The following CREB5 variants were observed in gnomAD, a reference collection of about 807,000 sequenced individuals.
The protein encoded by CREB5 is cAMP responsive element binding protein 5, also known as cyclic AMP-responsive element-binding protein 5.
In CREB5, 19 loss-of-function variants were observed where a neutral mutation model predicts 57.1. That is an observed-to-expected ratio of 0.33 (90% CI 0.23 to 0.49). The LOEUF (loss-of-function observed/expected upper bound fraction) is 0.49. CREB5 is among the 20% of genes least tolerant of loss of function. CREB5 has a pLI of 0.99. For missense variants in CREB5, 579 were observed against 671.6 expected (o/e 0.86, Z 1.52); for synonymous variants, 238 against 238.3 (o/e 1.00, Z 0.01).
At chr7:28,410,230 G>A (rs1787720375), upstream of CREB5, 2 of 454,104 alleles carry the variant, frequency 4.4e-6, no homozygotes, top group East Asian at 7.0e-5. Context: ...CTGGAGAGCG[G>A]CGAGGCTCCG....
intron 1 of CREB5, among the ~76,000 whole-genome samples, chr7:28,317,759 G>A (rs534302046): frequency 2.6e-4 from 40 of 152,308 alleles, no homozygotes; most frequent in African/African-American, 8.4e-4. Flanking sequence ...ATAATGTACA[G>A]TGTGTTTTAT....
chr7:28,683,546 C>T (rs1800704295), intron 5 of CREB5, among the ~76,000 whole-genome samples: 1 of 152,120 alleles, frequency 6.6e-6, no homozygotes, highest in African/African-American at 2.4e-5. Context: ...GGGTCCTTGG[C>T]ATTTGTCTGG....
chr7:28,538,463 C>T (rs979014346), intron 4 of CREB5, among the ~76,000 whole-genome samples: 1 of 152,092 alleles, frequency 6.6e-6, no homozygotes, highest in Non-Finnish European at 1.5e-5. Flanking sequence ...CTATTTTATT[C>T]CTGATATAAT....
In CREB5 at chr7:28,804,330, G is replaced by A. The variant is rs139638068; in HGVS notation, c.834G>A (p.Pro278=). ...CACACCATCACATGCACTCGCACCC[G>A]CATCAGCACCAGACACTGCCACCCC... is the stretch of plus-strand genomic sequence containing the variant. ...QTPHHHMHSH[P]HQHQTLPPHH... is the part of the protein sequence containing the mutation. Residue 278 remains proline (P), a synonymous_variant, in exon 8 of 11, where the codon CCG becomes CCA. Coordinates refer to ENST00000357727, the MANE Select transcript of CREB5 (RefSeq NM_182898.4). 2.3e-4 allele frequency: 368 copies of A among 1,613,272 alleles called. No individual in the cohort carries two copies. The highest frequency in any genetic ancestry group is 2.9e-4 in the Non-Finnish European group (341 of 1,179,732).
At chr7:28,667,264 G>A (rs1190095328) in intron 5 of CREB5, among the ~76,000 whole-genome samples, 2 of 151,162 alleles carry the variant, frequency 1.3e-5, no homozygotes, top group South Asian at 4.2e-4. Context: ...ATTGGCATGA[G>A]TGTGTTCTTG....
At chr7:28,690,771 C>T (rs952122974) in intron 5 of CREB5, among the ~76,000 whole-genome samples, 1 of 152,168 alleles carries the variant, frequency 6.6e-6, no homozygotes, top group Non-Finnish European at 1.5e-5. Context: ...GCTGCAGGTA[C>T]GGCCTCCCTG....
chr7:28,451,732 G>A (rs571011214), intron 1 of CREB5, among the ~76,000 whole-genome samples: 1 of 152,024 alleles, frequency 6.6e-6, no homozygotes, highest in African/African-American at 2.4e-5. Context: ...ATCCCTATGT[G>A]GGTACCATTG....
chr7:28,624,200 C>G (rs1351475742), intron 5 of CREB5, among the ~76,000 whole-genome samples: 2 of 152,202 alleles, frequency 1.3e-5, no homozygotes, highest in Admixed American at 1.3e-4. Flanking sequence ...CCTTTAGACT[C>G]TGCACGTCTA....
At chr7:28,319,519 C>T (rs150616103) in intron 1 of CREB5, among the ~76,000 whole-genome samples, 2 of 152,172 alleles carry the variant, frequency 1.3e-5, no homozygotes, top group South Asian at 2.1e-4. Flanking sequence ...GGCTGGACTT[C>T]GGAGTATTTG....
At chr7:28,426,524 T>C (rs1183786039) in intron 1 of CREB5, among the ~76,000 whole-genome samples, 1 of 152,222 alleles carries the variant, frequency 6.6e-6, no homozygotes, top group East Asian at 1.9e-4. Context: ...TCTGGCATGT[T>C]CTTCCCTGGA....
chr7:28,333,581 C>G lies in CREB5; in HGVS notation c.-25+34140C>G, dbSNP rs529785976. ...CTAGCCTCTGGTAACCATCATTCTA[C>G]TCTCTATCTCCATGAGTTCAATTGT... is the stretch of plus-strand genomic sequence containing the variant. On this transcript the variant is annotated intron_variant, in intron 1 of 9. Coordinates refer to the CREB5 transcript ENST00000396299. Among the ~76,000 whole-genome samples, 9 of 152,208 alleles carry G rather than the reference C, an allele frequency of 5.9e-5. No individual in the cohort carries two copies. In the South Asian group the frequency reaches 6.2e-4, roughly 11 times the overall value.
At chr7:28,384,285 T>A (rs7800202) in intron 1 of CREB5, among the ~76,000 whole-genome samples, 2,318 of 152,258 alleles carry the variant, frequency 0.015, 63 homozygotes, top group African/African-American at 0.053. Context: ...GTGCATGATA[T>A]CATAACAGAG....
chr7:28,786,277 C>T (rs889018613), intron 7 of CREB5, among the ~76,000 whole-genome samples: 4 of 152,120 alleles, frequency 2.6e-5, no homozygotes, highest in Admixed American at 6.6e-5. Flanking sequence ...GATGGAGTCT[C>T]GCTCTGTTAC....
chr7:28,788,095 G>C (rs1807442400), intron 7 of CREB5, among the ~76,000 whole-genome samples: 1 of 152,158 alleles, frequency 6.6e-6, no homozygotes, highest in Admixed American at 6.5e-5. Context: ...CTGGCTGTCA[G>C]GTTAAGGCAA....
At chr7:28,582,675 A>G (rs1343191937) in intron 5 of CREB5, among the ~76,000 whole-genome samples, 6 of 152,180 alleles carry the variant, frequency 3.9e-5, no homozygotes. Context: ...TTCAGTCCTT[A>G]TCTCCAGTCA....
intron 1 of CREB5, among the ~76,000 whole-genome samples, chr7:28,336,426 G>C (rs977606678): frequency 6.6e-6 from 1 of 151,946 alleles, no homozygotes; most frequent in Non-Finnish European, 1.5e-5. Flanking sequence ...AATCTTGGTA[G>C]GTTGTATGTG....
In CREB5 at chr7:28,403,174, C is replaced by G. The variant is rs146564229; in HGVS notation, c.-24-91732C>G. Among the ~76,000 whole-genome samples, 295 of 152,286 alleles carry G rather than the reference C, an allele frequency of 1.9e-3. 2 individuals carry two copies. The highest frequency in any genetic ancestry group is 6.8e-3 in the African/African-American group (281 of 41,554). On this transcript the variant is annotated intron_variant, in intron 1 of 9. Coordinates refer to the CREB5 transcript ENST00000396299. ...TGCTCTGTTGCCCACAGACTCAGTG[C>G]AGATTTGTTAACCTAAAGGTACCAT...
upstream of CREB5, chr7:28,410,051 G>C (rs961191224): frequency 2.3e-6 from 1 of 435,296 alleles, no homozygotes. Context: ...GAGGACGCCG[G>C]GTCACCTAGG....
chr7:28,815,585 G>T (rs1809389868), intron 9 of CREB5, among the ~76,000 whole-genome samples: 1 of 152,170 alleles, frequency 6.6e-6, no homozygotes, highest in Admixed American at 6.5e-5. Context: ...ACTGTTTGGG[G>T]CATGCCAAAT....
Sources: allele counts gnomAD v4.1 joint callset (sites outside exome capture counted in the v4.1 genomes callset), GRCh38; gene constraint gnomAD v4.1.1; transcripts MANE v1.5; gene names NCBI Gene and HGNC (gene_info 2026-07-23, HGNC 2026-07-21).